The following NELL1 variants were observed in gnomAD, a reference collection of about 807,000 sequenced individuals.
NELL1 encodes the protein neural EGFL like 1, also known as protein kinase C-binding protein NELL1.
Under a neutral mutation model 107.4 loss-of-function variants are expected in NELL1, and 76 were observed. That is an observed-to-expected ratio of 0.71 (90% confidence interval 0.59 to 0.86). The LOEUF (loss-of-function observed/expected upper bound fraction) is 0.86, where lower values mean the gene tolerates loss of function less well. Ranked by LOEUF, NELL1 falls within the 40% of genes least tolerant of loss-of-function variation. The probability of loss-of-function intolerance (pLI) is 0.00; values close to 1 mark genes in which losing one functional copy is unlikely to be tolerated. For missense variants in NELL1, 1,024 were observed against 1,005.5 expected, an observed-to-expected ratio of 1.02 and a Z score of -0.25; for synonymous variants, 353 against 341.2, an observed-to-expected ratio of 1.03 and a Z score of -0.38.
chr11:20,927,887 A>C (rs916290482), intron 8 of NELL1, among the ~76,000 whole-genome samples: 26 of 152,174 alleles, frequency 1.7e-4, no homozygotes, highest in African/African-American at 6.0e-4. Context: ...TCCCTGACTC[A>C]CTGTCAGTGT....
chr11:21,530,353 G>A (rs1855962408), intron 15 of NELL1, among the ~76,000 whole-genome samples: 1 of 152,088 alleles, frequency 6.6e-6, no homozygotes. Context: ...GAGATTAGAT[G>A]GAGGAAGAGA....
chr11:21,374,105 G>A (rs1297056641), intron 15 of NELL1, among the ~76,000 whole-genome samples: 1 of 152,044 alleles, frequency 6.6e-6, no homozygotes, highest in African/African-American at 2.4e-5. Flanking sequence ...TATGTTAACT[G>A]CCACAAAACA....
chr11:20,688,674 G>A (rs191835857), intron 2 of NELL1, among the ~76,000 whole-genome samples: 4 of 152,132 alleles, frequency 2.6e-5, no homozygotes, highest in Admixed American at 2.0e-4. Context: ...CTTTGCTATT[G>A]TGAATAGTGC....
intron 4 of NELL1, among the ~76,000 whole-genome samples, chr11:20,870,469 A>C (rs993065020): frequency 4.6e-5 from 7 of 152,056 alleles, no homozygotes; most frequent in Non-Finnish European, 8.8e-5. Context: ...TAACCTGAAC[A>C]TGAAGGGGCC....
chr11:21,566,209 C>G (rs181012767), intron 17 of NELL1, among the ~76,000 whole-genome samples: 182 of 151,914 alleles, frequency 1.2e-3, no homozygotes, highest in African/African-American at 4.1e-3. Flanking sequence ...TTTTCCAACC[C>G]AAAGTTTATA....
chr11:20,740,966 G>C (rs1855876386), intron 2 of NELL1, among the ~76,000 whole-genome samples: 1 of 151,864 alleles, frequency 6.6e-6, no homozygotes, highest in Admixed American at 6.6e-5. Flanking sequence ...TTCCCTTTCT[G>C]CTTTCTGCAG....
chr11:21,404,685 A>G (rs1852191414), intron 15 of NELL1, among the ~76,000 whole-genome samples: 1 of 152,020 alleles, frequency 6.6e-6, no homozygotes, highest in South Asian at 2.1e-4. Flanking sequence ...AATAATAATC[A>G]TGAAAATTAG....
chr11:20,832,357 C>T (rs952486715), intron 3 of NELL1, among the ~76,000 whole-genome samples: 5 of 152,308 alleles, frequency 3.3e-5, no homozygotes, highest in Non-Finnish European at 4.4e-5. Flanking sequence ...TCTGTTCTCT[C>T]GCGGTACTTA....
At chr11:21,494,594 G>A (rs1303355449) in intron 15 of NELL1, among the ~76,000 whole-genome samples, 1 of 151,720 alleles carries the variant, frequency 6.6e-6, no homozygotes, top group Non-Finnish European at 1.5e-5. Flanking sequence ...AAATATATAT[G>A]TGCGTGACTC....
rs190588575 is a variant in NELL1 at position 21,157,292 on chromosome 11, T to G, written c.1426+43578T>G. ...CTTGTCCTTGCTGACTCACTCAATC[T>G]GATTATCTCTACAGTATTTCATTTT... On this transcript the variant is annotated intron_variant, in intron 13 of 19. Transcript: ENST00000357134. Among the ~76,000 whole-genome samples, 908 of 152,222 alleles carry G rather than the reference T, an allele frequency of 6.0e-3. 7 individuals are homozygous for G. Among genetic ancestry groups the G allele is most frequent in the African/African-American group, 0.021 (857 of 41,526 alleles).
chr11:20,810,732 C>G (rs565215683), intron 3 of NELL1, among the ~76,000 whole-genome samples: 1 of 152,174 alleles, frequency 6.6e-6, no homozygotes, highest in South Asian at 2.1e-4. Context: ...GGTAGATACC[C>G]AGTAGTGGGA....
chr11:21,058,925 T>A (rs1160769833), intron 12 of NELL1, among the ~76,000 whole-genome samples: 4 of 152,160 alleles, frequency 2.6e-5, no homozygotes, highest in African/African-American at 4.8e-5. Flanking sequence ...AGTTCCAGGA[T>A]GAGATTCATG....
chr11:21,407,364 C>T (rs1341214123), intron 15 of NELL1, among the ~76,000 whole-genome samples: 1 of 151,970 alleles, frequency 6.6e-6, no homozygotes, highest in African/African-American at 2.4e-5. Flanking sequence ...TTCAGTAAGC[C>T]TTGATTGCAC....
chr11:20,977,673 T>G (rs149758957), intron 12 of NELL1, among the ~76,000 whole-genome samples: 1 of 152,236 alleles, frequency 6.6e-6, no homozygotes, highest in African/African-American at 2.4e-5. Context: ...CTTATTAGCA[T>G]GGAGAGCAGG....
intron 13 of NELL1, among the ~76,000 whole-genome samples, chr11:21,182,966 T>A (rs1483730523): frequency 6.6e-6 from 1 of 151,840 alleles, no homozygotes; most frequent in East Asian, 1.9e-4. Context: ...ACAAGAAGGA[T>A]GAAGTCCTGT....
intron 12 of NELL1, among the ~76,000 whole-genome samples, chr11:21,058,863 T>C (rs762683966): frequency 3.3e-5 from 5 of 149,376 alleles, no homozygotes; most frequent in African/African-American, 4.9e-5. Context: ...CACAGATTTA[T>C]AGAACCTAAT....
intron 5 of NELL1, among the ~76,000 whole-genome samples, chr11:20,895,906 G>A (rs1849726767): frequency 6.6e-6 from 1 of 151,678 alleles, no homozygotes; most frequent in South Asian, 2.1e-4. Flanking sequence ...TTCTTTTTTT[G>A]GCTGAATAGT....
At chr11:20,686,984 G>C (rs2133860718) in intron 2 of NELL1, among the ~76,000 whole-genome samples, 1 of 148,422 alleles carries the variant, frequency 6.7e-6, no homozygotes, top group East Asian at 2.0e-4. Flanking sequence ...TTTTATGCTG[G>C]AATCTCCTGT....
At chr11:21,220,359 C>A (rs911147715) in intron 13 of NELL1, among the ~76,000 whole-genome samples, 8 of 151,976 alleles carry the variant, frequency 5.3e-5, no homozygotes, top group African/African-American at 1.9e-4. Flanking sequence ...TTTTATGGTT[C>A]CTCAAGTTTT....
Sources: gnomAD v4.1 joint callset for allele counts (sites outside exome capture counted in the v4.1 genomes callset) on GRCh38, gnomAD v4.1.1 for gene constraint, MANE v1.5 for transcripts, NCBI Gene and HGNC (gene_info 2026-07-23, HGNC 2026-07-21) for gene names.